The following PDZRN3 variants were observed in gnomAD, a reference collection of about 807,000 sequenced individuals.
PDZRN3 encodes the protein E3 ubiquitin-protein ligase PDZRN3.
PDZRN3 carries 38 observed loss-of-function variants against 85.7 expected under a neutral mutation model. That is an observed-to-expected ratio of 0.44 (90% CI 0.34 to 0.58). The LOEUF is 0.58. Among genes scored for constraint, PDZRN3 ranks in the 20% least tolerant of loss-of-function variants. PDZRN3 has a pLI of 0.01. For synonymous variants in PDZRN3, 759 were observed against 638.0 expected (o/e 1.19, Z -2.86); for missense variants, 1,629 against 1,506.4 (o/e 1.08, Z -1.35).
intron 3 of PDZRN3, among the ~76,000 whole-genome samples, chr3:73,590,755 T>C (rs1444895356): frequency 6.6e-6 from 1 of 152,214 alleles, no homozygotes; most frequent in Non-Finnish European, 1.5e-5. Context: ...CCTCATATGT[T>C]AATATTATCT....
At chr3:73,614,100 G>A (rs1435155929) in intron 1 of PDZRN3, among the ~76,000 whole-genome samples, 1 of 152,176 alleles carries the variant, frequency 6.6e-6, no homozygotes, top group Non-Finnish European at 1.5e-5. Flanking sequence ...ATTTGAACAT[G>A]TAACTATTAG....
intron 9 of PDZRN3, 84 bp from the exon 10 acceptor site, chr3:73,385,014 G>T: frequency 6.8e-7 from 1 of 1,467,012 alleles, no homozygotes; most frequent in Non-Finnish European, 9.2e-7. Flanking sequence ...TGCGGTTTCT[G>T]GATAGGGCAG....
chr3:73,439,627 C>T (rs911357688), intron 3 of PDZRN3, among the ~76,000 whole-genome samples: 4 of 152,172 alleles, frequency 2.6e-5, no homozygotes, highest in African/African-American at 9.7e-5. Context: ...TCAGAATGCA[C>T]ACACAAAAAA....
chr3:73,543,835 CCTAA>C (rs777059524), intron 3 of PDZRN3, among the ~76,000 whole-genome samples: 12 of 152,258 alleles, frequency 7.9e-5, no homozygotes, highest in East Asian at 1.9e-4. Context: ...GTTCAACTTG[CCTAA>C]CTGAGATTCA....
At chr3:73,424,219 G>T (rs1371873887) in intron 3 of PDZRN3, among the ~76,000 whole-genome samples, 1 of 151,852 alleles carries the variant, frequency 6.6e-6, no homozygotes, top group Non-Finnish European at 1.5e-5. Flanking sequence ...AAGAGATTTG[G>T]TTCATTAGAA....
intron 5 of PDZRN3, among the ~76,000 whole-genome samples, chr3:73,400,232 C>A (rs1179103282): frequency 3.3e-5 from 5 of 152,124 alleles, no homozygotes; most frequent in East Asian, 3.8e-4. Context: ...GTGTTTTCCC[C>A]AAAATATAAA....
chr3:73,447,015 T>G (rs1303622306), intron 3 of PDZRN3, among the ~76,000 whole-genome samples: 2 of 145,596 alleles, frequency 1.4e-5, no homozygotes, highest in East Asian at 4.0e-4. Context: ...GAGCTGAACC[T>G]TCCCTGCTTC....
intron 4 of PDZRN3, among the ~76,000 whole-genome samples, chr3:73,402,824 A>C (rs1460508591): frequency 2.6e-5 from 4 of 152,198 alleles, no homozygotes; most frequent in Non-Finnish European, 5.9e-5. Context: ...CCTTTGAAAT[A>C]ATGTATCAAG....
rs1039257142 is a variant in PDZRN3 at position 73,519,774 on chromosome 3, C to A, written c.918+82580G>T. 4.6e-5 allele frequency among the ~76,000 whole-genome samples: 7 copies of A among 152,260 alleles called. No individual in the cohort carries two copies. The South Asian group carries it at 1.2e-3, about 27-fold the overall frequency. On this transcript the variant is annotated intron_variant, in intron 3 of 9. Transcript: ENST00000263666. ...ATCACCCGGGAATGTGATAGGAGGG[C>A]AGATTTTTATACCTGACCCCAGAAC...
rs1702928655 is a variant in PDZRN3, at chr3:73,624,348, G to C, written c.478C>G (p.His160Asp). ...GCCCGCAGCGCTCGCGCGCAGCAGT[G>C]GCCGCCCGCGCGCTGCTCGCCGTGC... ...LTHGEQRAGG[H>D]CCARALRAHN... Residue 160 changes from histidine (H) to aspartate (D), a missense_variant, in exon 1 of 10, where the codon CAC becomes GAC. Physicochemically the swap from His to Asp is moderately conservative, Grantham distance 81. Transcript: ENST00000263666. 1.0e-5 allele frequency: 13 copies of C among 1,302,002 alleles called. No homozygotes were observed. Among genetic ancestry groups the C allele is most frequent in the Non-Finnish European group, 1.3e-5 (13 of 1,032,482 alleles). The allele number at this position is 1,302,002 out of a possible 1,614,324, so 80.7% of individuals were successfully genotyped here.
At chr3:73,487,356 A>G (rs4420808) in intron 3 of PDZRN3, among the ~76,000 whole-genome samples, 15,867 of 152,162 alleles carry the variant, frequency 0.1, 940 homozygotes, top group South Asian at 0.22. Context: ...TGGGGGGAAA[A>G]GCCACCAATA....
chr3:73,441,815 C>T (rs889401294), intron 3 of PDZRN3, among the ~76,000 whole-genome samples: 2 of 152,188 alleles, frequency 1.3e-5, no homozygotes, highest in African/African-American at 4.8e-5. Flanking sequence ...ACAATGTACT[C>T]GTGAGGATGC....
chr3:73,460,234 G>T (rs1477322248), intron 3 of PDZRN3, among the ~76,000 whole-genome samples: 2 of 152,206 alleles, frequency 1.3e-5, no homozygotes, highest in African/African-American at 2.4e-5. Context: ...CTGAGCGAAA[G>T]AATCCTGTCA....
At chr3:73,548,339 C>T (rs187652028) in intron 3 of PDZRN3, among the ~76,000 whole-genome samples, 41 of 152,288 alleles carry the variant, frequency 2.7e-4, no homozygotes, top group Admixed American at 1.5e-3. Flanking sequence ...CTGGGAGTTA[C>T]GAAGCAGAAG....
Position 73,624,897 on chromosome 3 carries a change from C to A in PDZRN3, c.-72G>T. 2 of 1,195,490 alleles carry A rather than the reference C, an allele frequency of 1.7e-6. No individual in the cohort carries two copies. The highest frequency in any genetic ancestry group is 2.1e-6 in the Non-Finnish European group (2 of 949,768). The allele number at this position is 1,195,490 out of a possible 1,614,324, so 74.1% of individuals were successfully genotyped here. A position where few individuals can be genotyped will look rare whatever the true frequency, so the allele number is the denominator to read the frequency against. ...CTCCCTCCCCACGAGGCGGCCCAGA[C>A]AGGCCGGCTACGCCGCCCGCGCGCT... On this transcript the variant is annotated 5_prime_UTR_variant, in exon 1 of 10. Transcript: ENST00000263666.
At chr3:73,404,091 G>A in intron 4 of PDZRN3, 57 bp downstream of exon 4, 1 of 1,544,404 alleles carries the variant, frequency 6.5e-7, no homozygotes, top group Non-Finnish European at 8.8e-7. Context: ...AGAAGAGAAA[G>A]AAACCAACTT....
chr3:73,469,595 A>C (rs1451158364), intron 3 of PDZRN3, among the ~76,000 whole-genome samples: 1 of 152,154 alleles, frequency 6.6e-6, no homozygotes, highest in Non-Finnish European at 1.5e-5. Context: ...TGGCCAACTC[A>C]CGTTTAAAGC....
At chr3:73,548,389 T>C (rs979596366) in intron 3 of PDZRN3, among the ~76,000 whole-genome samples, 2 of 152,196 alleles carry the variant, frequency 1.3e-5, no homozygotes, top group Non-Finnish European at 2.9e-5. Context: ...CTAAAGGGGA[T>C]GCAGGCAGCA....
intron 3 of PDZRN3, among the ~76,000 whole-genome samples, chr3:73,515,524 C>T (rs796402724): frequency 6.6e-6 from 1 of 152,184 alleles, no homozygotes; most frequent in South Asian, 2.1e-4. Context: ...TCTCTCCCAA[C>T]TCCAAAAAGT....
Sources: gnomAD v4.1 joint callset for allele counts (sites outside exome capture counted in the v4.1 genomes callset) on GRCh38, gnomAD v4.1.1 for gene constraint, MANE v1.5 for transcripts, NCBI Gene and HGNC (gene_info 2026-07-23, HGNC 2026-07-21) for gene names.